The following TNIK variants were observed in gnomAD, a reference collection of about 807,000 sequenced individuals.
The protein encoded by TNIK is TRAF2 and NCK interacting kinase.
Under a neutral mutation model 191.3 loss-of-function variants are expected in TNIK, and 49 were observed. That is an observed-to-expected ratio of 0.26 (90% CI 0.20 to 0.32). The LOEUF (loss-of-function observed/expected upper bound fraction) is 0.32. Ranked by LOEUF, TNIK falls within the 10% of genes least tolerant of loss-of-function variation. The pLI is 1.00. For synonymous variants in TNIK, 594 were observed against 600.9 expected (o/e 0.99, Z 0.17); for missense variants, 1,155 against 1,702.3 (o/e 0.68, Z 5.66).
intron 1 of TNIK, among the ~76,000 whole-genome samples, chr3:171,388,337 T>C (rs1719010993): frequency 6.6e-6 from 1 of 152,234 alleles, no homozygotes; most frequent in African/African-American, 2.4e-5. Context: ...TGAATAGAGA[T>C]ACTCTTCTGA....
At chr3:171,250,867 T>C (rs755682382) in intron 2 of TNIK, among the ~76,000 whole-genome samples, 39 of 152,254 alleles carry the variant, frequency 2.6e-4, no homozygotes, top group Non-Finnish European at 4.8e-4. Flanking sequence ...AGAGATTTGT[T>C]TTTATCTTGC....
Position 171,438,005 on chromosome 3 carries a change from A to C in TNIK, c.57+22002T>G, listed in dbSNP as rs150707260. ...AGCCACTGGGGAAGCTGCCCCACAG[A>C]CAGTGCTTTTTAGAGTGCATAGAGC... On this transcript the variant is annotated intron_variant, in intron 1 of 32. Coordinates refer to ENST00000436636, the MANE Select transcript of TNIK (RefSeq NM_015028.4). Among the ~76,000 whole-genome samples, 55 of 152,330 alleles carry C rather than the reference A, an allele frequency of 3.6e-4. No homozygotes were observed. In the East Asian group the frequency reaches 5.6e-3, roughly 16 times the overall value.
At chr3:171,310,467 T>C (rs532038696) in intron 2 of TNIK, among the ~76,000 whole-genome samples, 1 of 152,236 alleles carries the variant, frequency 6.6e-6, no homozygotes, top group South Asian at 2.1e-4. Context: ...AATTAATGAA[T>C]GTAGGGCTAT....
At chr3:171,181,985 T>C (rs577687114) in intron 7 of TNIK, among the ~76,000 whole-genome samples, 4 of 152,268 alleles carry the variant, frequency 2.6e-5, no homozygotes, top group South Asian at 4.1e-4. Flanking sequence ...GGAAAAAATA[T>C]GTACTTTATT....
intron 4 of TNIK, among the ~76,000 whole-genome samples, chr3:171,208,724 A>AT (rs927402978): frequency 3.3e-5 from 5 of 151,734 alleles, no homozygotes; most frequent in East Asian, 1.9e-4. Flanking sequence ...TGCCCACCTA[A>AT]TTTTTTTGTA....
chr3:171,077,318 C>T (rs975160037), intron 28 of TNIK, among the ~76,000 whole-genome samples: 3 of 152,248 alleles, frequency 2.0e-5, no homozygotes, highest in East Asian at 1.9e-4. Flanking sequence ...TGGGTATTTT[C>T]GTCATCTTCC....
chr3:171,178,263 A>G (rs1410481379), intron 7 of TNIK, among the ~76,000 whole-genome samples: 1 of 152,222 alleles, frequency 6.6e-6, no homozygotes, highest in Non-Finnish European at 1.5e-5. Context: ...CTAGAAAAAC[A>G]GCAATTTCAT....
At chr3:171,084,397 CTA>C in intron 25 of TNIK, 72 bp from the exon 26 acceptor site, 1 of 1,489,774 alleles carries the variant, frequency 6.7e-7, no homozygotes. Flanking sequence ...CTTCAAAACA[CTA>C]TGATTTCTCC....
chr3:171,203,905 A>C (rs893541497), intron 4 of TNIK, among the ~76,000 whole-genome samples: 3 of 152,208 alleles, frequency 2.0e-5, no homozygotes, highest in African/African-American at 7.2e-5. Flanking sequence ...AAAATCTGCT[A>C]TCTTACTTGA....
intron 2 of TNIK, among the ~76,000 whole-genome samples, chr3:171,259,121 CGA>C (rs143481504): frequency 3.3e-5 from 5 of 151,414 alleles, no homozygotes; most frequent in African/African-American, 4.8e-5. Context: ...AGCATGCACA[CGA>C]GAGAGAGAGA....
chr3:171,170,079 CTAA>C (rs1393115440), intron 9 of TNIK, among the ~76,000 whole-genome samples: 1 of 152,190 alleles, frequency 6.6e-6, no homozygotes, highest in Admixed American at 6.5e-5. Context: ...GCTGAGTGTT[CTAA>C]TGAGTTTAAA....
At chr3:171,087,571 C>G in intron 23 of TNIK, 65 bp from the exon 24 acceptor site, 2 of 1,573,932 alleles carry the variant, frequency 1.3e-6, no homozygotes, top group Non-Finnish European at 8.7e-7. Flanking sequence ...GTGACATCAG[C>G]CCTCACACAG....
intron 1 of TNIK, among the ~76,000 whole-genome samples, chr3:171,416,070 AC>A (rs764035094): frequency 2.6e-5 from 4 of 151,624 alleles, no homozygotes; most frequent in African/African-American, 9.7e-5. Flanking sequence ...TTCCCCTTCT[AC>A]CCCCCAGGCA....
At position 171,425,489 on chromosome 3, in the gene TNIK, T is replaced by G. The variant is rs566153952; in HGVS notation, c.57+34518A>C. Among the ~76,000 whole-genome samples, 4 of 152,292 alleles carry G rather than the reference T, an allele frequency of 2.6e-5. No homozygotes were observed. In the East Asian group the frequency reaches 7.7e-4, roughly 29 times the overall value. On this transcript the variant is annotated intron_variant, in intron 1 of 32. Coordinates refer to ENST00000436636, the MANE Select transcript of TNIK (RefSeq NM_015028.4). ...CCACAATAATTTTTTCCTCCACATT[T>G]TAAAAATATTTTACTATGAACAATG...
intron 1 of TNIK, among the ~76,000 whole-genome samples, chr3:171,385,372 G>C (rs1718584165): frequency 6.6e-6 from 1 of 152,156 alleles, no homozygotes; most frequent in South Asian, 2.1e-4. Flanking sequence ...AGAGGCCTGA[G>C]ACTAGACGGA....
chr3:171,287,238 A>G (rs1350835492), intron 2 of TNIK, among the ~76,000 whole-genome samples: 3 of 152,238 alleles, frequency 2.0e-5, no homozygotes, highest in Admixed American at 6.5e-5. Flanking sequence ...AAAATTGAAC[A>G]AAAATTCTCA....
At chr3:171,392,778 CA>C (rs60306915) in intron 1 of TNIK, among the ~76,000 whole-genome samples, 147 of 95,258 alleles carry the variant, frequency 1.5e-3, no homozygotes, top group South Asian at 5.9e-3. Context: ...GATTCTGTCT[CA>C]AAAAAAAAAA....
chr3:171,187,637 G>A (rs1237136258), intron 7 of TNIK, among the ~76,000 whole-genome samples: 3 of 152,116 alleles, frequency 2.0e-5, no homozygotes, highest in African/African-American at 7.2e-5. Flanking sequence ...CATTACAGAG[G>A]AGCAAGGTAA....
chr3:171,337,156 C>A (rs1757036359), intron 2 of TNIK, among the ~76,000 whole-genome samples: 1 of 152,216 alleles, frequency 6.6e-6, no homozygotes, highest in African/African-American at 2.4e-5. Context: ...TCCAGGAGAT[C>A]AGCATTATCA....
Sources: allele counts gnomAD v4.1 joint callset (sites outside exome capture counted in the v4.1 genomes callset), GRCh38; gene constraint gnomAD v4.1.1; transcripts MANE v1.5; gene names NCBI Gene and HGNC (gene_info 2026-07-23, HGNC 2026-07-21).